Variants in GALNT13 observed in about 807,000 individuals in gnomAD.
The protein encoded by GALNT13 is polypeptide N-acetylgalactosaminyltransferase 13.
In GALNT13, 28 loss-of-function variants were observed where a neutral mutation model predicts 64.2. That is an observed-to-expected ratio of 0.44 (90% CI 0.32 to 0.60). The LOEUF (loss-of-function observed/expected upper bound fraction) is 0.60, where lower values mean the gene tolerates loss of function less well. Ranked by LOEUF, GALNT13 falls within the 20% of genes least tolerant of loss-of-function variation. The probability of loss-of-function intolerance (pLI) is 0.05; values close to 1 mark genes in which losing one functional copy is unlikely to be tolerated. For missense variants in GALNT13, 577 were observed against 669.8 expected, an observed-to-expected ratio of 0.86 and a Z score of 1.53; for synonymous variants, 214 against 224.6, an observed-to-expected ratio of 0.95 and a Z score of 0.42.
At chr2:153,126,020 C>G in the GALNT13 span, among the ~76,000 whole-genome samples, 40 of 151,912 alleles carry the variant, frequency 2.6e-4, no homozygotes, top group Admixed American at 2.4e-3. Flanking sequence ...TTTGGTCATT[C>G]TAGTTCATTT....
intron 3 of GALNT13, among the ~76,000 whole-genome samples, chr2:154,119,420 GA>G (rs2105512335): frequency 6.6e-6 from 1 of 152,188 alleles, no homozygotes; most frequent in African/African-American, 2.4e-5. Flanking sequence ...TCTCTGGGTT[GA>G]ATTTGACTGA....
the GALNT13 span, among the ~76,000 whole-genome samples, chr2:153,375,024 A>G: frequency 2.4e-4 from 37 of 152,284 alleles, no homozygotes; most frequent in African/African-American, 8.2e-4. Flanking sequence ...GACAGTGACT[A>G]TAGTGGATTT....
the GALNT13 span, among the ~76,000 whole-genome samples, chr2:153,695,206 C>T: frequency 6.6e-6 from 1 of 152,080 alleles, no homozygotes; most frequent in African/African-American, 2.4e-5. Context: ...ACTTAGGGAC[C>T]ATGTAGGCAT....
chr2:154,033,794 C>A (rs1698489312), intron 3 of GALNT13, among the ~76,000 whole-genome samples: 1 of 152,018 alleles, frequency 6.6e-6, no homozygotes, highest in African/African-American at 2.4e-5. Context: ...AAAAAATTAG[C>A]CAGGCATGGT....
intron 3 of GALNT13, among the ~76,000 whole-genome samples, chr2:154,138,494 G>A (rs569325747): frequency 5.3e-5 from 8 of 149,606 alleles, no homozygotes; most frequent in Admixed American, 6.7e-5. Flanking sequence ...TTTTCAAAAT[G>A]TTAAGAATCA....
At chr2:154,239,217 T>C (rs1468206045) in intron 4 of GALNT13, among the ~76,000 whole-genome samples, 1 of 152,190 alleles carries the variant, frequency 6.6e-6, no homozygotes, top group Non-Finnish European at 1.5e-5. Context: ...TTTAAGATGC[T>C]GTATCGAAAT....
the GALNT13 span, among the ~76,000 whole-genome samples, chr2:153,578,650 T>A: frequency 6.6e-6 from 1 of 152,184 alleles, no homozygotes; most frequent in East Asian, 1.9e-4. Flanking sequence ...GAACAAAACC[T>A]TCAAGGGCTA....
At chr2:153,813,655 G>T in the GALNT13 span, among the ~76,000 whole-genome samples, 2 of 152,016 alleles carry the variant, frequency 1.3e-5, no homozygotes, top group East Asian at 3.9e-4. Context: ...ACAACTTCCC[G>T]CAAATGATTA....
chr2:154,079,811 C>A (rs1007702954), intron 3 of GALNT13, among the ~76,000 whole-genome samples: 1 of 151,604 alleles, frequency 6.6e-6, no homozygotes, highest in Non-Finnish European at 1.5e-5. Context: ...ATGATTACTA[C>A]TTTTCTTATT....
At chr2:153,439,965 A>T in the GALNT13 span, among the ~76,000 whole-genome samples, 1 of 152,034 alleles carries the variant, frequency 6.6e-6, no homozygotes, top group African/African-American at 2.4e-5. Context: ...TGGCCTACTT[A>T]TACTTTTTAA....
At chr2:153,459,520 T>A in the GALNT13 span, among the ~76,000 whole-genome samples, 2 of 152,098 alleles carry the variant, frequency 1.3e-5, no homozygotes, top group African/African-American at 2.4e-5. Flanking sequence ...TTTCACATTA[T>A]AAACCCATAT....
chr2:153,464,791 T>C, the GALNT13 span, among the ~76,000 whole-genome samples: 1 of 152,114 alleles, frequency 6.6e-6, no homozygotes, highest in Non-Finnish European at 1.5e-5. Context: ...TCTTGTTGTA[T>C]TATGAAATAT....
intron 9 of GALNT13, among the ~76,000 whole-genome samples, chr2:154,317,566 T>C (rs968291741): frequency 6.6e-6 from 1 of 152,160 alleles, no homozygotes; most frequent in Non-Finnish European, 1.5e-5. Context: ...TTTTTTCTAA[T>C]AGACTATATT....
At chr2:153,160,137 A>C in the GALNT13 span, among the ~76,000 whole-genome samples, 1 of 152,242 alleles carries the variant, frequency 6.6e-6, no homozygotes, top group African/African-American at 2.4e-5. Context: ...TTTTATGAGT[A>C]AAATACAGCT....
chr2:154,249,489 T>C (rs1689958691), intron 7 of GALNT13, among the ~76,000 whole-genome samples: 1 of 152,212 alleles, frequency 6.6e-6, no homozygotes, highest in Admixed American at 6.5e-5. Flanking sequence ...AATTATGCCC[T>C]GTAAGTGAAC....
the GALNT13 span, among the ~76,000 whole-genome samples, chr2:153,643,542 C>G: frequency 6.6e-6 from 1 of 151,624 alleles, no homozygotes; most frequent in African/African-American, 2.4e-5. Context: ...CTACCAAATT[C>G]TCAAAAAATA....
chr2:153,410,739 G>T, the GALNT13 span, among the ~76,000 whole-genome samples: 1 of 152,108 alleles, frequency 6.6e-6, no homozygotes, highest in African/African-American at 2.4e-5. Flanking sequence ...AATAAAAAGA[G>T]TGGAGCAGGG....
chr2:153,928,743 TTAA>T (rs1690317353), intron 2 of GALNT13, among the ~76,000 whole-genome samples: 1 of 152,202 alleles, frequency 6.6e-6, no homozygotes, highest in Non-Finnish European at 1.5e-5. Flanking sequence ...TCATTATATT[TTAA>T]TAATAATCTA....
chr2:153,365,951 T>C, the GALNT13 span, among the ~76,000 whole-genome samples: 4 of 152,168 alleles, frequency 2.6e-5, no homozygotes, highest in Non-Finnish European at 5.9e-5. Flanking sequence ...CATACGTTGA[T>C]TGCAGCACTA....
Sources: allele counts gnomAD v4.1 joint callset (sites outside exome capture counted in the v4.1 genomes callset), GRCh38; gene constraint gnomAD v4.1.1; transcripts MANE v1.5; gene names NCBI Gene and HGNC (gene_info 2026-07-23, HGNC 2026-07-21).